PEDS1: variants seen among roughly 807,000 people sequenced by gnomAD.
The protein encoded by PEDS1 is plasmanylethanolamine desaturase 1, also known as CarF homolog.
PEDS1 carries 14 observed loss-of-function variants against 35.2 expected under a neutral mutation model. The observed-to-expected ratio is 0.40, with a 90% CI of 0.26 to 0.62. The LOEUF (loss-of-function observed/expected upper bound fraction) is 0.62, where lower values mean the gene tolerates loss of function less well. Ranked by LOEUF, PEDS1 falls within the 20% of genes least tolerant of loss-of-function variation. The pLI, the probability that PEDS1 is intolerant of heterozygous loss-of-function variation, is 0.44. For missense variants in PEDS1, 260 were observed against 367.8 expected, an observed-to-expected ratio of 0.71 and a Z score of 2.40; for synonymous variants, 152 against 152.0, an observed-to-expected ratio of 1.00 and a Z score of 0.00.
chr20:50,139,084 C>T (rs1171323512), intron 2 of PEDS1, among the ~76,000 whole-genome samples: 2 of 152,136 alleles, frequency 1.3e-5, no homozygotes, highest in South Asian at 2.1e-4. Context: ...CTGTCTCTAC[C>T]GCCTTCCAGC....
intron 2 of PEDS1, among the ~76,000 whole-genome samples, chr20:50,142,950 A>AC (rs1188622723): frequency 6.6e-6 from 1 of 152,072 alleles, no homozygotes; most frequent in Non-Finnish European, 1.5e-5. Flanking sequence ...GTGCAGGGTG[A>AC]CCTAGCATGA....
Position 50,128,231 on chromosome 20 carries a change from G to A in PEDS1, c.479-44C>T. On this transcript the variant is annotated intron_variant, in intron 4 of 5. Coordinates refer to ENST00000371652, the MANE Select transcript of PEDS1 (RefSeq NM_199129.4). The surrounding 1 kb of genome is among the most constrained non-coding windows in gnomAD (Gnocchi z 5.2). Reference sequence around the variant, plus strand: ...GGGGGCCGGCACAGCTGTCACTCGGGACGGGGAACCCACCCCAAATGGCCC... The same window carrying A: ...GGGGGCCGGCACAGCTGTCACTCGGAACGGGGAACCCACCCCAAATGGCCC... 1.2e-6 allele frequency: 2 copies of A among 1,607,854 alleles called. No homozygotes were observed. Among genetic ancestry groups the A allele is most frequent in the Non-Finnish European group, 1.7e-6 (2 of 1,177,268 alleles).
At position 50,129,430 on chromosome 20, in the gene PEDS1, T is replaced by G. The variant is rs1022802789; in HGVS notation, c.478+116A>C. On this transcript the variant is annotated intron_variant, in intron 4 of 5. Coordinates refer to ENST00000371652, the MANE Select transcript of PEDS1 (RefSeq NM_199129.4). This position sits in a 1 kb window ranked among gnomAD's most constrained non-coding sequence, Gnocchi z 4.2. ...CCTGATTTTACATGAAGACAATGAATGAAAACTCTTTTAAAATACCATAAG... is the reference window on the plus strand; with the variant it reads ...CCTGATTTTACATGAAGACAATGAAGGAAAACTCTTTTAAAATACCATAAG... 5.1e-5 allele frequency: 72 copies of G among 1,420,338 alleles called. No homozygotes were observed. Among genetic ancestry groups the G allele is most frequent in the Non-Finnish European group, 5.8e-5 (62 of 1,073,886 alleles). The allele number at this position is 1,420,338 out of a possible 1,614,324, so 88.0% of individuals were successfully genotyped here.
At chr20:50,152,563 G>C (rs182463398) in intron 1 of PEDS1, among the ~76,000 whole-genome samples, 224 of 126,760 alleles carry the variant, frequency 1.8e-3, no homozygotes, top group Admixed American at 4.9e-3. Flanking sequence ...GTGGGTGTAG[G>C]GGGGGTGCTT....
intron 5 of PEDS1, 52 bp downstream of exon 5, chr20:50,127,923 G>A: frequency 6.3e-7 from 1 of 1,589,216 alleles, no homozygotes; most frequent in Non-Finnish European, 8.6e-7. Context: ...CCTCGAAGAT[G>A]GTGCAGTGGC....
intron 1 of PEDS1, among the ~76,000 whole-genome samples, chr20:50,147,068 A>G (rs746517347): frequency 6.6e-6 from 1 of 152,198 alleles, no homozygotes; most frequent in East Asian, 1.9e-4. Flanking sequence ...CCTGCCCCAC[A>G]GCATGCAGGG....
At position 50,122,608 on chromosome 20, in the gene PEDS1, A is replaced by T. The variant is rs1385887965; in HGVS notation, c.*2450T>A. 6 of 152,138 alleles carry T rather than the reference A, an allele frequency of 3.9e-5. No homozygotes were observed. The highest frequency in any genetic ancestry group is 8.8e-5 in the Non-Finnish European group (6 of 68,012). The allele number at this position is 152,138 out of a possible 1,614,324, so 9.4% of individuals were successfully genotyped here. A position where few individuals can be genotyped will look rare whatever the true frequency, so the allele number is the denominator to read the frequency against. On this transcript the variant is annotated 3_prime_UTR_variant, in exon 6 of 6. Coordinates refer to ENST00000371652, the MANE Select transcript of PEDS1 (RefSeq NM_199129.4). ...ATCCCAGCTACTCAGAAATGTCATT[A>T]TCTGTGACTGCTCTGGAGTCCTTTA...
chr20:50,127,865 A>G (rs2081126833), intron 5 of PEDS1, 110 bp downstream of exon 5: 5 of 1,431,742 alleles, frequency 3.5e-6, no homozygotes, highest in Non-Finnish European at 4.8e-6. Context: ...GACTGTTCCC[A>G]GAGGGCAAGG....
chr20:50,127,771 T>TAA (rs2081125375), intron 5 of PEDS1, among the ~76,000 whole-genome samples: 2 of 152,166 alleles, frequency 1.3e-5, no homozygotes, highest in African/African-American at 4.8e-5. Context: ...GGGAGAGGGC[T>TAA]TTGTCAGTCT....
Position 50,124,818 on chromosome 20 carries a change from A to G in PEDS1, c.*240T>C. The G allele has an allele frequency of 2.3e-6, 1 of 441,948 alleles. No homozygotes were observed. Among genetic ancestry groups the G allele is most frequent in the Non-Finnish European group, 4.1e-6 (1 of 242,268 alleles). The allele number at this position is 441,948 out of a possible 1,614,324, so 27.4% of individuals were successfully genotyped here. A position where few individuals can be genotyped will look rare whatever the true frequency, so the allele number is the denominator to read the frequency against. ...TCTACCAGGGGAGGCTGGCAGAGTC[A>G]GGCTTGCAGATAGAGCAACTCAGGT... On this transcript the variant is annotated 3_prime_UTR_variant, in exon 6 of 6. Coordinates refer to ENST00000371652, the MANE Select transcript of PEDS1 (RefSeq NM_199129.4).
At chr20:50,146,091 C>A (rs142974382) in intron 1 of PEDS1, among the ~76,000 whole-genome samples, 2 of 152,324 alleles carry the variant, frequency 1.3e-5, no homozygotes, top group Non-Finnish European at 2.9e-5. Flanking sequence ...GCCCAGGCCC[C>A]CACTTAAGCA....
intron 1 of PEDS1, among the ~76,000 whole-genome samples, chr20:50,150,096 C>G (rs1263411524): frequency 6.6e-6 from 1 of 152,044 alleles, no homozygotes; most frequent in East Asian, 1.9e-4. Flanking sequence ...AAGAGCATGC[C>G]TGGGGTGGGG....
intron 2 of PEDS1, among the ~76,000 whole-genome samples, chr20:50,137,741 C>G (rs1254878897): frequency 6.6e-6 from 1 of 152,284 alleles, no homozygotes; most frequent in East Asian, 1.9e-4. Flanking sequence ...CGTGCTGGCG[C>G]GCGCTTGTAG....
At chr20:50,136,722 CA>C (rs34195813) in intron 2 of PEDS1, among the ~76,000 whole-genome samples, 4 of 70,132 alleles carry the variant, frequency 5.7e-5, no homozygotes, top group Non-Finnish European at 7.3e-5. Flanking sequence ...GACTCTGCCT[CA>C]AAAAAAAAAA....
In PEDS1 at chr20:50,132,592, G is replaced by A. The variant is rs182418695; in HGVS notation, c.242-1645C>T. ...AACCACCTCATCTTCCAGCATTTCCGATCTCCTATGTATATTGTTCTCCAA... is the reference window on the plus strand; with the variant it reads ...AACCACCTCATCTTCCAGCATTTCCAATCTCCTATGTATATTGTTCTCCAA... On this transcript the variant is annotated intron_variant, in intron 2 of 5. Coordinates refer to ENST00000371652, the MANE Select transcript of PEDS1 (RefSeq NM_199129.4). Among the ~76,000 whole-genome samples the A allele has an allele frequency of 1.2e-3, 186 of 152,212 alleles. 1 individual carries two copies. Among genetic ancestry groups the A allele is most frequent in the Non-Finnish European group, 2.0e-3 (133 of 68,002 alleles).
chr20:50,128,633 GA>G lies in PEDS1; in HGVS notation c.479-447del, dbSNP rs899063651. The stretch of plus-strand genomic sequence containing the variant: ...TGATTTATCAAGGGAGCCTCTTCAG[GA>G]AAAAACCTCGAAGGGAGGGAGGGAA... On this transcript the variant is annotated intron_variant, in intron 4 of 5. Coordinates refer to ENST00000371652, the MANE Select transcript of PEDS1 (RefSeq NM_199129.4). This position sits in a 1 kb window ranked among gnomAD's most constrained non-coding sequence, Gnocchi z 5.2. 6.6e-6 allele frequency among the ~76,000 whole-genome samples: 1 copy of G among 152,120 alleles called. No individual in the cohort carries two copies. Among genetic ancestry groups the G allele is most frequent in the African/African-American group, 2.4e-5 (1 of 41,418 alleles).
At chr20:50,152,924 G>T in intron 1 of PEDS1, among the ~76,000 whole-genome samples, 1 of 152,086 alleles carries the variant, frequency 6.6e-6, no homozygotes, top group South Asian at 2.1e-4. Context: ...TTGGGGGAAG[G>T]GTGTGGGGGG....
At chr20:50,152,784 C>T (rs2081418444) in intron 1 of PEDS1, among the ~76,000 whole-genome samples, 1 of 151,770 alleles carries the variant, frequency 6.6e-6, no homozygotes, top group African/African-American at 2.4e-5. Context: ...GGGGAGCTTA[C>T]AGTGGGGTAC....
chr20:50,133,893 G>T lies in PEDS1; in HGVS notation c.242-2946C>A, dbSNP rs113411687. ...GTCAAGTGGCCTGGAAATGGCAGCT[G>T]TGGGATGGGAAGAGGCCTGTCGACC... On this transcript the variant is annotated intron_variant, in intron 2 of 5. Transcript: ENST00000371652. 5.7e-3 allele frequency among the ~76,000 whole-genome samples: 873 copies of T among 152,352 alleles called. 11 individuals carry two copies. Among genetic ancestry groups the T allele is most frequent in the African/African-American group, 0.02 (812 of 41,584 alleles).
Sources: gnomAD v4.1 joint callset for allele counts (sites outside exome capture counted in the v4.1 genomes callset) on GRCh38, gnomAD v4.1.1 for gene constraint, Gnocchi (gnomAD v3.1) non-coding constraint, MANE v1.5 for transcripts, NCBI Gene and HGNC (gene_info 2026-07-23, HGNC 2026-07-21) for gene names.